Variants in PLEKHG1 observed in about 807,000 individuals in gnomAD.
PLEKHG1 encodes pleckstrin homology and RhoGEF domain containing G1, also known as pleckstrin homology domain-containing family G member 1.
In PLEKHG1, 44 loss-of-function variants were observed where a neutral mutation model predicts 100.8. That is an observed-to-expected ratio of 0.44 (90% CI 0.34 to 0.56). The LOEUF is 0.56. PLEKHG1 is among the 20% of genes least tolerant of loss of function. The pLI is 0.01. For missense variants in PLEKHG1, 1,545 were observed against 1,720.9 expected (o/e 0.90, Z 1.81); for synonymous variants, 640 against 662.5 (o/e 0.97, Z 0.52).
intron 3 of PLEKHG1, chr6:150,664,027 G>A (rs1171147851): frequency 6.6e-6 from 1 of 152,164 alleles, no homozygotes; most frequent in Non-Finnish European, 1.5e-5. Flanking sequence ...TGCTCTTGAA[G>A]GAGTACAGCC....
rs765055233 is a variant in PLEKHG1 at position 150,742,659 on chromosome 6, C to T, written c.411+8567C>T. Among the ~76,000 whole-genome samples, 6 of 152,092 alleles carry T rather than the reference C, an allele frequency of 3.9e-5. No individual in the cohort carries two copies. In the East Asian group the frequency reaches 5.8e-4, roughly 15 times the overall value. On this transcript the variant is annotated intron_variant, in intron 2 of 15. Coordinates refer to ENST00000358517, the Ensembl canonical transcript of PLEKHG1. ...AGCTCACTCACTGTCCTGAGAAATC[C>T]GCCCCCATGATCCAGTCACCTCCCA...
chr6:150,786,173 G>A (rs2128652123), intron 3 of PLEKHG1, among the ~76,000 whole-genome samples: 1 of 152,282 alleles, frequency 6.6e-6, no homozygotes, highest in Non-Finnish European at 1.5e-5. Context: ...TCTGGTGGGA[G>A]AGTTATGGGT....
exon 8 of PLEKHG1, chr6:150,809,169 T>G: frequency 6.2e-7 from 1 of 1,613,066 alleles, no homozygotes; most frequent in South Asian, 1.1e-5. Context: ...GAACTGGTGC[T>G]TGAGGGAACC....
At position 150,809,694 on chromosome 6, in the gene PLEKHG1, G is replaced by A. The variant is rs1431060910; in HGVS notation, c.1238G>A (p.Arg413Lys). 2 of 1,614,074 alleles carry A rather than the reference G, an allele frequency of 1.2e-6. No homozygotes were observed. Among genetic ancestry groups the A allele is most frequent in the Non-Finnish European group, 1.7e-6 (2 of 1,180,008 alleles). Reference sequence around the variant, plus strand: ...CGCCTCTGGGTTCTGCACCTAAAGAGACTGATTCTGGAGAACCATGCAGCC... The same window carrying A: ...CGCCTCTGGGTTCTGCACCTAAAGAAACTGATTCTGGAGAACCATGCAGCC... Residue 413 changes from arginine to lysine, a missense_variant, in exon 10 of 16, where the codon AGA becomes AAA. By Grantham distance (26) the Arg-to-Lys change is conservative. Transcript: ENST00000358517.
At chr6:150,804,155 T>TATATATATATATATATATATATATA (rs1554276213) in intron 6 of PLEKHG1, among the ~76,000 whole-genome samples, 2 of 30,260 alleles carry the variant, frequency 6.6e-5, no homozygotes, top group African/African-American at 2.9e-4. Flanking sequence ...TGTAAATATT[T>TATATATATATATATATATATATATA]TATATATATA....
intron 3 of PLEKHG1, among the ~76,000 whole-genome samples, chr6:150,665,630 AAAAAATAAAAAT>A (rs149374779): frequency 0.076 from 11,292 of 148,204 alleles, 531 homozygotes; most frequent in Non-Finnish European, 0.1. Flanking sequence ...ACTCCATCTC[AAAAAATAAAAAT>A]AAAAATAAAA....
chr6:150,630,276 C>G (rs1777691048), intron 1 of PLEKHG1, among the ~76,000 whole-genome samples: 1 of 152,210 alleles, frequency 6.6e-6, no homozygotes, highest in Non-Finnish European at 1.5e-5. Flanking sequence ...ACTTTAGCTT[C>G]TTTGCGGAGA....
chr6:150,644,061 T>C (rs983237526), intron 2 of PLEKHG1, among the ~76,000 whole-genome samples: 3 of 152,178 alleles, frequency 2.0e-5, no homozygotes, highest in Non-Finnish European at 4.4e-5. Context: ...ATTTGTTAAG[T>C]GGATAAACGA....
At chr6:150,798,515 T>G (rs1469533212) in intron 5 of PLEKHG1, among the ~76,000 whole-genome samples, 1 of 152,188 alleles carries the variant, frequency 6.6e-6, no homozygotes, top group Non-Finnish European at 1.5e-5. Flanking sequence ...AAGGACATTT[T>G]TAAGAGCTGG....
intron 3 of PLEKHG1, among the ~76,000 whole-genome samples, chr6:150,693,323 T>A (rs1045451340): frequency 2.0e-5 from 3 of 152,104 alleles, no homozygotes; most frequent in Non-Finnish European, 4.4e-5. Context: ...AAAACCTATG[T>A]GTGACTTATT....
chr6:150,784,901 C>T (rs939456703), intron 3 of PLEKHG1, among the ~76,000 whole-genome samples: 4 of 151,854 alleles, frequency 2.6e-5, no homozygotes, highest in Non-Finnish European at 5.9e-5. Context: ...GACATTTAAT[C>T]GAATCAAATT....
chr6:150,826,891 C>CA (rs1343291413), intron 14 of PLEKHG1, among the ~76,000 whole-genome samples: 4 of 152,068 alleles, frequency 2.6e-5, no homozygotes, highest in African/African-American at 9.7e-5. Context: ...CTCCCACCTT[C>CA]ACCTCCCAAA....
chr6:150,709,279 GA>G (rs2128603528), intron 3 of PLEKHG1, among the ~76,000 whole-genome samples: 1 of 152,288 alleles, frequency 6.6e-6, no homozygotes, highest in South Asian at 2.1e-4. Context: ...AGGTTTCAGT[GA>G]GCCGAGATTG....
rs1348362848 is a variant in PLEKHG1 at position 150,783,101 on chromosome 6, TTTGAAA to T, written c.513-3282_513-3277del. 4.9e-5 allele frequency among the ~76,000 whole-genome samples: 7 copies of T among 143,568 alleles called. No homozygotes were observed. In the East Asian group the frequency reaches 1.3e-3, roughly 26 times the overall value. 94.2% of individuals were successfully genotyped at this position (143,568 alleles called of 152,430 possible). On this transcript the variant is annotated intron_variant, in intron 3 of 15. Transcript: ENST00000358517. Reference sequence around the variant, plus strand: ...CCAAAACACATGTTTAAAAAAAAACTTTGAAATTGAAAATCTGATGGTTGAAACAAA... The same window carrying T: ...CCAAAACACATGTTTAAAAAAAAACTTTGAAAATCTGATGGTTGAAACAAA...
At chr6:150,655,528 G>T (rs1325372216) in intron 3 of PLEKHG1, among the ~76,000 whole-genome samples, 2 of 151,886 alleles carry the variant, frequency 1.3e-5, no homozygotes, top group East Asian at 3.9e-4. Flanking sequence ...CTAACACGAT[G>T]AAACCCCGTC....
intron 3 of PLEKHG1, among the ~76,000 whole-genome samples, chr6:150,674,290 G>GA (rs199609376): frequency 0.078 from 11,866 of 152,066 alleles, 543 homozygotes; most frequent in Non-Finnish European, 0.1. Flanking sequence ...AACAAGCGTT[G>GA]AAAAAGGTTT....
At chr6:150,623,051 G>A (rs946043766) in intron 1 of PLEKHG1, among the ~76,000 whole-genome samples, 9 of 151,416 alleles carry the variant, frequency 5.9e-5, no homozygotes, top group East Asian at 5.8e-4. Context: ...GGAAATGAGC[G>A]CAGAAGCTTG....
intron 12 of PLEKHG1, among the ~76,000 whole-genome samples, chr6:150,820,255 A>G (rs1250415443): frequency 1.3e-5 from 2 of 152,084 alleles, no homozygotes; most frequent in Non-Finnish European, 1.5e-5. Flanking sequence ...AGTGACTATC[A>G]AGCATGCCAG....
intron 2 of PLEKHG1, among the ~76,000 whole-genome samples, chr6:150,638,975 T>C (rs1416135789): frequency 6.6e-6 from 1 of 152,240 alleles, no homozygotes; most frequent in African/African-American, 2.4e-5. Flanking sequence ...CATCATTGAA[T>C]ACCATTCTTT....
Sources: gnomAD v4.1 joint callset for allele counts (sites outside exome capture counted in the v4.1 genomes callset) on GRCh38, gnomAD v4.1.1 for gene constraint, MANE v1.5 for transcripts, NCBI Gene and HGNC (gene_info 2026-07-23, HGNC 2026-07-21) for gene names.